SCAF8: variants seen among roughly 807,000 people sequenced by gnomAD.
The protein encoded by SCAF8 is SR-related CTD associated factor 8.
Under a neutral mutation model 140.5 loss-of-function variants are expected in SCAF8, and 23 were observed. That is an observed-to-expected ratio of 0.16 (90% confidence interval 0.12 to 0.23). The LOEUF is 0.23. Among genes scored for constraint, SCAF8 ranks in the 10% least tolerant of loss-of-function variants. SCAF8 has a pLI of 1.00. For synonymous variants in SCAF8, 575 were observed against 528.9 expected (o/e 1.09, Z -1.20); for missense variants, 1,397 against 1,555.7 (o/e 0.90, Z 1.72).
At chr6:154,752,126 A>C (rs904257941) in intron 1 of SCAF8, among the ~76,000 whole-genome samples, 7 of 152,212 alleles carry the variant, frequency 4.6e-5, no homozygotes, top group African/African-American at 1.7e-4. Context: ...AGATTTTTGC[A>C]AACTATTGTT....
At chr6:154,785,296 A>C (rs972139453) in intron 3 of SCAF8, among the ~76,000 whole-genome samples, 2 of 152,208 alleles carry the variant, frequency 1.3e-5, no homozygotes, top group Non-Finnish European at 2.9e-5. Flanking sequence ...ATTGCTGTGA[A>C]CAGTGTAATA....
At position 154,747,067 on chromosome 6, in the gene SCAF8, G is replaced by A. The variant is rs1778718043; in HGVS notation, c.30+13137G>A. ...GAGATCCAATAGTGCAGATTCTACTGATGGGTGAAAGAAAGTATATATTTA... is the reference window on the plus strand; with the variant it reads ...GAGATCCAATAGTGCAGATTCTACTAATGGGTGAAAGAAAGTATATATTTA... On this transcript the variant is annotated intron_variant, in intron 1 of 19. Coordinates refer to ENST00000367178, the MANE Select transcript of SCAF8 (RefSeq NM_014892.5). Among the ~76,000 whole-genome samples the A allele has an allele frequency of 3.3e-5, 5 of 152,188 alleles. No individual in the cohort carries two copies. The South Asian group carries it at 6.2e-4, about 19-fold the overall frequency.
Position 154,754,472 on chromosome 6 carries a change from A to G in SCAF8, c.31-19517A>G, listed in dbSNP as rs114918538. ...AGAACTGGATTTGAGACACAGTTCC[A>G]TAACTCACAAGCAGTTTGATTTTAG... is the stretch of plus-strand genomic sequence containing the variant. On this transcript the variant is annotated intron_variant, in intron 1 of 19. Coordinates refer to ENST00000367178, the MANE Select transcript of SCAF8 (RefSeq NM_014892.5). Among the ~76,000 whole-genome samples, 323 of 152,356 alleles carry G rather than the reference A, an allele frequency of 2.1e-3. 1 individual carries two copies. Among genetic ancestry groups the G allele is most frequent in the African/African-American group, 7.4e-3 (307 of 41,584 alleles).
At chr6:154,771,716 T>C (rs987318560) in intron 1 of SCAF8, among the ~76,000 whole-genome samples, 1 of 152,084 alleles carries the variant, frequency 6.6e-6, no homozygotes, top group Non-Finnish European at 1.5e-5. Context: ...ATGGCAACAG[T>C]AGATACTGGG....
chr6:154,792,163 G>T (rs1777439022), intron 4 of SCAF8, among the ~76,000 whole-genome samples: 2 of 152,106 alleles, frequency 1.3e-5, no homozygotes, highest in Non-Finnish European at 2.9e-5. Flanking sequence ...AAAGGGAATA[G>T]TAAAGAATAA....
At chr6:154,769,093 A>G (rs144479900) in intron 1 of SCAF8, among the ~76,000 whole-genome samples, 19 of 151,308 alleles carry the variant, frequency 1.3e-4, no homozygotes, top group African/African-American at 4.1e-4. Flanking sequence ...AAAATCACAT[A>G]TAAGTAGACC....
intron 3 of SCAF8, among the ~76,000 whole-genome samples, chr6:154,778,284 GTC>G (rs1477348152): frequency 6.6e-6 from 1 of 152,198 alleles, no homozygotes; most frequent in Non-Finnish European, 1.5e-5. Flanking sequence ...GAGAATCGGT[GTC>G]ATGTGGTATT....
chr6:154,823,768 A>G (rs1215444172), intron 16 of SCAF8, among the ~76,000 whole-genome samples: 1 of 152,210 alleles, frequency 6.6e-6, no homozygotes, highest in Admixed American at 6.5e-5. Context: ...AATTTACAGG[A>G]GAGGTAAAGC....
At chr6:154,778,497 G>T (rs1384463447) in intron 3 of SCAF8, among the ~76,000 whole-genome samples, 5 of 152,104 alleles carry the variant, frequency 3.3e-5, no homozygotes, top group Non-Finnish European at 5.9e-5. Flanking sequence ...GTGCACAATG[G>T]CCCACACCTG....
intron 5 of SCAF8, 109 bp downstream of exon 5, chr6:154,793,085 A>G (rs1777471540): frequency 1.5e-6 from 1 of 677,230 alleles, no homozygotes; most frequent in South Asian, 4.4e-5. Context: ...GTCCAGCATT[A>G]CATAATTGAA....
intron 17 of SCAF8, chr6:154,825,381 A>T: frequency 6.6e-6 from 1 of 152,150 alleles, no homozygotes; most frequent in East Asian, 1.9e-4. Context: ...ATAGTTTAAG[A>T]TAGAGCTTTT....
At position 154,786,505 on chromosome 6, in the gene SCAF8, AC is replaced by A. The variant is rs1282548455; in HGVS notation, c.160-1353del. 7.2e-5 allele frequency among the ~76,000 whole-genome samples: 11 copies of A among 152,338 alleles called. No individual in the cohort carries two copies. In the South Asian group the frequency reaches 2.3e-3, roughly 32 times the overall value. ...GTTAGTCTTACAAAGGCAGACTGGTACCCAGGCAAGAAGAGGGTCTTTTTGG... is the reference window on the plus strand; with the variant it reads ...GTTAGTCTTACAAAGGCAGACTGGTACCAGGCAAGAAGAGGGTCTTTTTGG... On this transcript the variant is annotated intron_variant, in intron 3 of 19. Coordinates refer to ENST00000367178, the MANE Select transcript of SCAF8 (RefSeq NM_014892.5).
At chr6:154,761,039 C>T (rs548524139) in intron 1 of SCAF8, among the ~76,000 whole-genome samples, 1 of 152,010 alleles carries the variant, frequency 6.6e-6, no homozygotes, top group Admixed American at 6.6e-5. Context: ...TGGCCTCAAG[C>T]GATCCTCTCA....
chr6:154,794,830 T>TGTGTG (rs1777551113), intron 5 of SCAF8, among the ~76,000 whole-genome samples, 179 bp from the exon 6 acceptor site: 3 of 139,908 alleles, frequency 2.1e-5, no homozygotes, highest in Non-Finnish European at 4.6e-5. Flanking sequence ...TGTGTGTGTG[T>TGTGTG]TTAATGTACC....
At chr6:154,823,080 G>A (rs1778466156) in intron 16 of SCAF8, among the ~76,000 whole-genome samples, 1 of 152,182 alleles carries the variant, frequency 6.6e-6, no homozygotes, top group African/African-American at 2.4e-5. Context: ...TGAACATTCT[G>A]TTCAGAGGCA....
intron 9 of SCAF8, among the ~76,000 whole-genome samples, chr6:154,807,608 T>G (rs922864743): frequency 2.6e-5 from 4 of 152,168 alleles, no homozygotes; most frequent in African/African-American, 9.7e-5. Context: ...CTTGAACTTC[T>G]CACCTCGTGA....
rs1183975485 is a variant in SCAF8 at position 154,818,463 on chromosome 6, C to T, written c.1522-16C>T. The T allele has an allele frequency of 1.0e-5, 15 of 1,486,580 alleles. No individual in the cohort carries two copies. Among genetic ancestry groups the T allele is most frequent in the African/African-American group, 1.4e-5 (1 of 70,450 alleles). 92.1% of individuals were successfully genotyped at this position (1,486,580 alleles called of 1,614,324 possible). On this transcript the variant is annotated splice_polypyrimidine_tract_variant and intron_variant, in intron 13 of 19. Coordinates refer to ENST00000367178, the MANE Select transcript of SCAF8 (RefSeq NM_014892.5). ...TCTGTTCTTATACCTTTTCTTAAAA[C>T]AATTTTTTTTATTAGATGATTCCTC... is the stretch of plus-strand genomic sequence containing the variant.
intron 19 of SCAF8, 33 bp downstream of exon 19, chr6:154,831,173 G>T (rs1320425957): frequency 1.5e-6 from 2 of 1,359,894 alleles, no homozygotes; most frequent in East Asian, 2.5e-5. Context: ...AAAAAAAGAG[G>T]TTGCCTCTCT....
rs535611465 is a variant in SCAF8 at position 154,812,068 on chromosome 6, C to T, written c.1420+1860C>T. On this transcript the variant is annotated intron_variant, in intron 12 of 19. Transcript: ENST00000367178. ...TTCTGTTTTATTTTCATGGGCACAA[C>T]AAACAGCAAAAAAGAAAATAAAAAG... 6.5e-4 allele frequency among the ~76,000 whole-genome samples: 97 copies of T among 150,032 alleles called. 5 individuals are homozygous for T. In the South Asian group the frequency reaches 0.017, roughly 27 times the overall value.
Sources: gnomAD v4.1 joint callset for allele counts (sites outside exome capture counted in the v4.1 genomes callset) on GRCh38, gnomAD v4.1.1 for gene constraint, MANE v1.5 for transcripts, NCBI Gene and HGNC (gene_info 2026-07-23, HGNC 2026-07-21) for gene names.